The following TMEM63C variants were observed in gnomAD, a reference collection of about 807,000 sequenced individuals.
TMEM63C encodes transmembrane protein 63C, also known as osmosensitive cation channel TMEM63C.
TMEM63C carries 32 observed loss-of-function variants against 99.2 expected under a neutral mutation model. The ratio of observed to expected loss-of-function variants is 0.32; its 90% CI spans 0.24 to 0.43. TMEM63C has a LOEUF of 0.43. Among genes scored for constraint, TMEM63C ranks in the 20% least tolerant of loss-of-function variants. The pLI, the probability that TMEM63C is intolerant of heterozygous loss-of-function variation, is 1.00. For missense variants in TMEM63C, 826 were observed against 1,053.0 expected (o/e 0.78, Z 2.98); for synonymous variants, 376 against 397.9 (o/e 0.94, Z 0.66).
At chr14:77,202,151 C>A (rs904743952) in intron 1 of TMEM63C, among the ~76,000 whole-genome samples, 4 of 152,220 alleles carry the variant, frequency 2.6e-5, no homozygotes, top group Non-Finnish European at 4.4e-5. Flanking sequence ...CCAAAACACA[C>A]AAGTGTATAC....
chr14:77,185,482 C>T (rs1031019778), intron 1 of TMEM63C, among the ~76,000 whole-genome samples: 12 of 152,176 alleles, frequency 7.9e-5, no homozygotes, highest in African/African-American at 2.4e-4. Flanking sequence ...CTCAGGCCAT[C>T]GAGTCCCAGC....
In TMEM63C at chr14:77,253,337, C is replaced by T. The variant is rs776730602; in HGVS notation, c.2181C>T (p.Asp727=). The T allele has an allele frequency of 1.5e-5, 25 of 1,613,022 alleles. No individual in the cohort carries two copies. The South Asian group carries it at 2.5e-4, about 16-fold the overall frequency. The change falls in exon 23 of 24, where the codon GAC becomes GAT. Residue 727 remains aspartate, a synonymous_variant. Coordinates refer to ENST00000298351, the MANE Select transcript of TMEM63C (RefSeq NM_020431.4). ...PEEEEIQTVF[D]MEPSSTSSTP... ...AGGAGGAGATCCAGACAGTGTTTGA[C>T]ATGGAGCCAAGCAGCACCTCCTCCA... is the stretch of plus-strand genomic sequence containing the variant.
chr14:77,218,781 G>A lies in TMEM63C; in HGVS notation c.-13-20G>A, dbSNP rs760644048. The A allele has an allele frequency of 1.9e-6, 3 of 1,611,172 alleles. No individual in the cohort carries two copies. Among genetic ancestry groups the A allele is most frequent in the Non-Finnish European group, 2.5e-6 (3 of 1,178,932 alleles). ...GCAAGGGAGTCTTTGCATCTGACCTGGATGCCCTCTGTTTCCCAGGGATCC... is the reference window on the plus strand; with the variant it reads ...GCAAGGGAGTCTTTGCATCTGACCTAGATGCCCTCTGTTTCCCAGGGATCC... On this transcript the variant is annotated intron_variant, in intron 2 of 23. Transcript: ENST00000298351.
chr14:77,225,481 G>T lies in TMEM63C; in HGVS notation c.350+20G>T, dbSNP rs1888803369. ...AATGAAGTAAGTGCCCGGGCTCTGTGAGCTTGTGACCGTGTTGCCTTGGGG... is the reference window on the plus strand; with the variant it reads ...AATGAAGTAAGTGCCCGGGCTCTGTTAGCTTGTGACCGTGTTGCCTTGGGG... On this transcript the variant is annotated intron_variant, in intron 6 of 23. Transcript: ENST00000298351. 2 of 1,612,510 alleles carry T rather than the reference G, an allele frequency of 1.2e-6. No homozygotes were observed. The highest frequency in any genetic ancestry group is 2.2e-5 in the East Asian group (1 of 44,686).
chr14:77,216,518 C>A (rs1415597691), intron 2 of TMEM63C, among the ~76,000 whole-genome samples: 1 of 152,150 alleles, frequency 6.6e-6, no homozygotes, highest in African/African-American at 2.4e-5. Flanking sequence ...TTAGCATGTT[C>A]CAAACTCAAC....
At chr14:77,223,095 C>T (rs913300213) in intron 5 of TMEM63C, among the ~76,000 whole-genome samples, 2 of 152,178 alleles carry the variant, frequency 1.3e-5, no homozygotes, top group African/African-American at 4.8e-5. Context: ...AAGTGCAGAG[C>T]CTCAGACAAG....
intron 21 of TMEM63C, 26 bp downstream of exon 21, chr14:77,249,484 C>T: frequency 1.2e-6 from 2 of 1,610,896 alleles, no homozygotes; most frequent in Non-Finnish European, 1.7e-6. Context: ...GCCTGGAGAC[C>T]CCACCTCCAC....
chr14:77,246,020 T>C lies in TMEM63C; in HGVS notation c.1529T>C (p.Leu510Pro). The stretch of plus-strand genomic sequence containing the variant: ...GTAGTCATTCTGCCCTCTATGGGAC[T>C]GACCAGGTACCTCACTTCCAATTAT... ...FMVVILPSMG[L>P]TSLDVFLRWL... is the part of the protein sequence containing the mutation. The change falls in exon 17 of 24, where the codon CTG becomes CCG. Residue 510 changes from leucine (L) to proline (P), a missense_variant. Physicochemically the swap from Leu to Pro is moderately conservative, Grantham distance 98 (BLOSUM62 -3). Coordinates refer to ENST00000298351, the MANE Select transcript of TMEM63C (RefSeq NM_020431.4). 6.2e-7 allele frequency: 1 copy of C among 1,612,660 alleles called. No homozygotes were observed. Among genetic ancestry groups the C allele is most frequent in the Non-Finnish European group, 8.5e-7 (1 of 1,178,618 alleles).
intron 18 of TMEM63C, among the ~76,000 whole-genome samples, chr14:77,247,905 G>A (rs444283): frequency 0.96 from 146,007 of 152,316 alleles, 70,264 homozygotes; most frequent in East Asian, 1. Context: ...ATGCCCTGCC[G>A]TATTGCCCAC....
In TMEM63C at chr14:77,251,769, C is replaced by T; in HGVS notation, c.2039-20C>T. On this transcript the variant is annotated intron_variant, in intron 21 of 23. Coordinates refer to ENST00000298351, the MANE Select transcript of TMEM63C (RefSeq NM_020431.4). ...TCGGCTGGCAGACTCCTGCCCATGA[C>T]TTTTTCTCCTCCTCGGCAGGTTCTC... 1.2e-6 allele frequency: 2 copies of T among 1,603,622 alleles called. No individual in the cohort carries two copies. Among genetic ancestry groups the T allele is most frequent in the Non-Finnish European group, 1.7e-6 (2 of 1,170,472 alleles).
In TMEM63C at chr14:77,197,845, C is replaced by T. The variant is rs548145666; in HGVS notation, c.-76-15601C>T. 4.6e-5 allele frequency among the ~76,000 whole-genome samples: 7 copies of T among 152,290 alleles called. No homozygotes were observed. In the South Asian group the frequency reaches 1.5e-3, roughly 32 times the overall value. ...GTAATGTTTGTTGGGAGAGGGTTTC[C>T]GCTCTCAGAGTGGGTGAACTGAGTC... is the stretch of plus-strand genomic sequence containing the variant. On this transcript the variant is annotated intron_variant, in intron 1 of 23. Coordinates refer to ENST00000298351, the MANE Select transcript of TMEM63C (RefSeq NM_020431.4).
In TMEM63C at chr14:77,236,686, T is replaced by C. The variant is rs1405077329; in HGVS notation, c.605T>C (p.Phe202Ser). 1 of 1,612,906 alleles carries C rather than the reference T, an allele frequency of 6.2e-7. No homozygotes were observed. Among genetic ancestry groups the C allele is most frequent in the Non-Finnish European group, 8.5e-7 (1 of 1,179,400 alleles). Residue 202 changes from phenylalanine to serine, a missense_variant, in exon 9 of 24, where the codon TTC becomes TCC. Coordinates refer to ENST00000298351, the MANE Select transcript of TMEM63C (RefSeq NM_020431.4). ...SFFYFITNFM[F>S]MAHHCLGFAP... ...TTCTACTTCATCACCAACTTCATGT[T>C]CATGGCTCATCACTGCCTGGGGTTT...
At chr14:77,218,242 AG>A (rs4021327) in intron 2 of TMEM63C, among the ~76,000 whole-genome samples, 26 of 145,758 alleles carry the variant, frequency 1.8e-4, no homozygotes, top group Non-Finnish European at 9.0e-5. Context: ...AAAAAAAAAG[AG>A]GGGGGTGTTT....
chr14:77,211,183 C>T (rs1320381946), intron 1 of TMEM63C, among the ~76,000 whole-genome samples: 3 of 152,182 alleles, frequency 2.0e-5, no homozygotes, highest in Non-Finnish European at 4.4e-5. Flanking sequence ...CTTCCTCTGC[C>T]CCCTGCTCAG....
chr14:77,187,935 T>C (rs190114332), intron 1 of TMEM63C, among the ~76,000 whole-genome samples: 5 of 152,300 alleles, frequency 3.3e-5, no homozygotes, highest in African/African-American at 1.2e-4. Flanking sequence ...CAGGGGTTAT[T>C]TGTGTGTGGG....
chr14:77,242,318 C>T (rs1889192268), intron 13 of TMEM63C, 29 bp from the exon 14 acceptor site: 9 of 1,596,974 alleles, frequency 5.6e-6, no homozygotes, highest in Non-Finnish European at 7.7e-6. Context: ...CCCAGACCCA[C>T]ATTTCTTCCT....
At chr14:77,193,968 C>T (rs1566616018) in intron 1 of TMEM63C, among the ~76,000 whole-genome samples, 1 of 152,114 alleles carries the variant, frequency 6.6e-6, no homozygotes, top group Non-Finnish European at 1.5e-5. Context: ...CCACTGCACT[C>T]CAGCCTGGGC....
chr14:77,245,980 T>C lies in TMEM63C; in HGVS notation c.1489T>C (p.Phe497Leu). ...GGTCATGGTGCACAAGTGCTACATC[T>C]TTCTGGTGTTCATGGTAGTCATTCT... ...NLVMVHKCYI[F>L]LVFMVVILPS... The change falls in exon 17 of 24, where the codon TTT becomes CTT. Residue 497 changes from phenylalanine (F) to leucine (L), a missense_variant. Phe to Leu is a conservative substitution (Grantham distance 22). Transcript: ENST00000298351. 6.2e-7 allele frequency: 1 copy of C among 1,614,040 alleles called. No homozygotes were observed. Among genetic ancestry groups the C allele is most frequent in the Non-Finnish European group, 8.5e-7 (1 of 1,179,882 alleles).
chr14:77,255,957 A>T (rs1043616030), intron 23 of TMEM63C, among the ~76,000 whole-genome samples: 7 of 152,364 alleles, frequency 4.6e-5, no homozygotes, highest in African/African-American at 1.7e-4. Flanking sequence ...ATGGTTTAAG[A>T]GCCACTTCAG....
Sources: gnomAD v4.1 joint callset for allele counts (sites outside exome capture counted in the v4.1 genomes callset) on GRCh38, gnomAD v4.1.1 for gene constraint, MANE v1.5 for transcripts, NCBI Gene and HGNC (gene_info 2026-07-23, HGNC 2026-07-21) for gene names.